Variants in EPCIP observed in about 807,000 individuals in gnomAD.
EPCIP encodes the protein exosomal polycystin 1 interacting protein.
the EPCIP span, among the ~76,000 whole-genome samples, chr21:32,799,937 C>T: frequency 2.0e-5 from 3 of 152,152 alleles, no homozygotes; most frequent in African/African-American, 7.2e-5. Flanking sequence ...GTGAGTGAGA[C>T]TCTATCTCAA....
the EPCIP span, among the ~76,000 whole-genome samples, chr21:32,808,208 T>G: frequency 1.0e-3 from 155 of 152,062 alleles, no homozygotes; most frequent in Non-Finnish European, 1.9e-3. Context: ...CAGGGAGAGC[T>G]TTGCTTAAAT....
the EPCIP span, among the ~76,000 whole-genome samples, chr21:32,803,564 T>C: frequency 1.3e-5 from 2 of 152,230 alleles, no homozygotes; most frequent in African/African-American, 4.8e-5. Flanking sequence ...AAGGGATTTT[T>C]AGCATTTTTC....
chr21:32,801,296 G>A, the EPCIP span, among the ~76,000 whole-genome samples: 1 of 152,230 alleles, frequency 6.6e-6, no homozygotes, highest in African/African-American at 2.4e-5. Context: ...GTACAATACA[G>A]CAGGTGCTAA....
At chr21:32,808,906 C>T in the EPCIP span, among the ~76,000 whole-genome samples, 8 of 151,936 alleles carry the variant, frequency 5.3e-5, no homozygotes, top group Non-Finnish European at 1.0e-4. Context: ...GACTCTTTGA[C>T]GATTAGTTTT....
chr21:32,809,280 CT>C, the EPCIP span, among the ~76,000 whole-genome samples: 577 of 78,902 alleles, frequency 7.3e-3, 12 homozygotes, highest in African/African-American at 0.033. Context: ...TCCCTCCTTC[CT>C]TTCTTTCTTT....
At chr21:32,812,660 T>C in the EPCIP span, among the ~76,000 whole-genome samples, 1 of 152,156 alleles carries the variant, frequency 6.6e-6, no homozygotes. Context: ...GGATGGCTCT[T>C]TTCGGTAAAA....
the EPCIP span, among the ~76,000 whole-genome samples, chr21:32,800,067 A>G: frequency 5.3e-5 from 8 of 152,220 alleles, no homozygotes; most frequent in Non-Finnish European, 1.2e-4. Flanking sequence ...ATTTTTCCAC[A>G]ATTAGTTATT....
At chr21:32,797,396 GC>G in the EPCIP span, 1 of 181,970 alleles carries the variant, frequency 5.5e-6, no homozygotes, top group Non-Finnish European at 1.2e-5. Context: ...TTATAAGCAC[GC>G]ACCATCATAC....
At chr21:32,796,231 C>A in the EPCIP span, among the ~76,000 whole-genome samples, 1 of 152,200 alleles carries the variant, frequency 6.6e-6, no homozygotes, top group Admixed American at 6.5e-5. Flanking sequence ...CCAGGCCCGT[C>A]CTGCATGTGA....
At chr21:32,802,408 A>C in the EPCIP span, among the ~76,000 whole-genome samples, 1 of 152,234 alleles carries the variant, frequency 6.6e-6, no homozygotes, top group African/African-American at 2.4e-5. Flanking sequence ...CTCCTGCAAG[A>C]GACAAAAAAT....
chr21:32,803,684 C>T, the EPCIP span, among the ~76,000 whole-genome samples: 1 of 152,148 alleles, frequency 6.6e-6, no homozygotes, highest in South Asian at 2.1e-4. Flanking sequence ...TATTTCAAAG[C>T]TTATGAAGTT....
the EPCIP span, chr21:32,796,980 A>C: frequency 2.2e-6 from 1 of 459,794 alleles, no homozygotes; most frequent in South Asian, 1.6e-5. Flanking sequence ...AGGAAAAGAG[A>C]TCAGAAGAGA....
the EPCIP span, among the ~76,000 whole-genome samples, chr21:32,807,283 C>T: frequency 2.7e-3 from 409 of 149,272 alleles, 7 homozygotes; most frequent in South Asian, 0.024. Flanking sequence ...TGAGTCCCTA[C>T]ATTTGCTAAG....
chr21:32,801,334 A>G, the EPCIP span, among the ~76,000 whole-genome samples: 1 of 152,190 alleles, frequency 6.6e-6, no homozygotes, highest in African/African-American at 2.4e-5. Flanking sequence ...GGATTTTTAC[A>G]TCCTCTTTTC....
At chr21:32,803,837 G>T in the EPCIP span, among the ~76,000 whole-genome samples, 109,056 of 151,966 alleles carry the variant, frequency 0.72, 39,944 homozygotes, top group East Asian at 0.91. Context: ...ACAGGCCCTT[G>T]CAAGGATCTA....
At chr21:32,810,593 C>A in the EPCIP span, 5 of 471,182 alleles carry the variant, frequency 1.1e-5, no homozygotes, top group African/African-American at 1.0e-4. Flanking sequence ...TTGCATGTCC[C>A]CAGCTCAGTG....
At chr21:32,808,339 CCTG>C in the EPCIP span, among the ~76,000 whole-genome samples, 1 of 151,588 alleles carries the variant, frequency 6.6e-6, no homozygotes, top group African/African-American at 2.4e-5. Flanking sequence ...ATTTTAATTA[CCTG>C]CTTCCAGAAC....
At chr21:32,798,220 C>T in the EPCIP span, 6 of 152,238 alleles carry the variant, frequency 3.9e-5, no homozygotes, top group Non-Finnish European at 8.8e-5. Flanking sequence ...ATAGTCCCAG[C>T]TACTCGGGAG....
the EPCIP span, among the ~76,000 whole-genome samples, chr21:32,805,564 G>T: frequency 5.3e-5 from 8 of 152,098 alleles, no homozygotes. Flanking sequence ...GTTTCACCAT[G>T]TTGGCCAGGC....
Sources: allele counts gnomAD v4.1 joint callset (sites outside exome capture counted in the v4.1 genomes callset), GRCh38; gene constraint gnomAD v4.1.1; transcripts MANE v1.5; gene names NCBI Gene and HGNC (gene_info 2026-07-23, HGNC 2026-07-21).